RB1: variants seen among roughly 807,000 people sequenced by gnomAD.
RB1 encodes the protein retinoblastoma-associated protein.
In RB1, 18 loss-of-function variants were observed where a neutral mutation model predicts 135.4. The ratio of observed to expected loss-of-function variants is 0.13; its 90% CI spans 0.09 to 0.20. The LOEUF is 0.20. Among genes scored for constraint, RB1 ranks in the 10% least tolerant of loss-of-function variants. The pLI is 1.00. For synonymous variants in RB1, 365 were observed against 373.2 expected, an observed-to-expected ratio of 0.98 and a Z score of 0.25; for missense variants, 868 against 1,110.0, an observed-to-expected ratio of 0.78 and a Z score of 3.10.
At chr13:48,310,527 G>T (rs528037013) in intron 2 of RB1, among the ~76,000 whole-genome samples, 43 of 152,192 alleles carry the variant, frequency 2.8e-4, no homozygotes, top group African/African-American at 1.0e-3. Flanking sequence ...GTTATGTGCA[G>T]ATTAAATAAA....
At position 48,304,494 on chromosome 13, in the gene RB1, T is replaced by C. The variant is rs574740655; in HGVS notation, c.137+445T>C. On this transcript the variant is annotated intron_variant, in intron 1 of 26. Transcript: ENST00000267163. ...GCGATGCAACAGTTGGGAAGTATTT[T>C]CTTCCGGGCGTGCACTGCATCTGAA... 1.9e-4 allele frequency among the ~76,000 whole-genome samples: 29 copies of C among 152,294 alleles called. 1 individual carries two copies. The East Asian group carries it at 5.6e-3, about 29-fold the overall frequency.
chr13:48,383,608 G>A (rs1429252854), intron 17 of RB1, among the ~76,000 whole-genome samples: 1 of 151,818 alleles, frequency 6.6e-6, no homozygotes, highest in African/African-American at 2.4e-5. Context: ...GTGTTTTCTT[G>A]TATTGCCATA....
chr13:48,375,567 T>G (rs1340889529), intron 12 of RB1, among the ~76,000 whole-genome samples: 1 of 150,408 alleles, frequency 6.6e-6, no homozygotes, highest in African/African-American at 2.4e-5. Flanking sequence ...ATTATAATCT[T>G]ATTTTTATTT....
At chr13:48,309,849 G>C (rs1952116528) in intron 2 of RB1, among the ~76,000 whole-genome samples, 1 of 152,082 alleles carries the variant, frequency 6.6e-6, no homozygotes, top group African/African-American at 2.4e-5. Context: ...TTGAGCTTCA[G>C]AATTGAATAC....
At chr13:48,478,697 C>A (rs1375455149) in intron 26 of RB1, among the ~76,000 whole-genome samples, 2 of 152,142 alleles carry the variant, frequency 1.3e-5, no homozygotes, top group African/African-American at 4.8e-5. Flanking sequence ...AGAATTTTAA[C>A]CCCTGAGGCT....
Position 48,480,020 on chromosome 13 carries a change from A to G in RB1, c.2736A>G (p.Gln912=). The change falls in exon 27 of 27, where the codon CAA becomes CAG. Residue 912 remains glutamine, a synonymous_variant. Transcript: ENST00000267163. The stretch of plus-strand genomic sequence containing the variant: ...CAGCTTCTACTCGAACACGAATGCA[A>G]AAGCAGAAAATGAATGATAGCATGG... ...AEMTSTRTRM[Q]KQKMNDSMDT... The G allele has an allele frequency of 6.2e-7, 1 of 1,613,480 alleles. No individual in the cohort carries two copies. The highest frequency in any genetic ancestry group is 1.1e-5 in the South Asian group (1 of 91,052).
intron 9 of RB1, among the ~76,000 whole-genome samples, chr13:48,366,845 G>A (rs1007215789): frequency 5.3e-5 from 8 of 152,108 alleles, no homozygotes; most frequent in African/African-American, 9.7e-5. Context: ...CAGGCTGGGC[G>A]CGGTGGCTCA....
At chr13:48,349,699 A>T (rs1952530158) in intron 6 of RB1, among the ~76,000 whole-genome samples, 1 of 152,096 alleles carries the variant, frequency 6.6e-6, no homozygotes, top group South Asian at 2.1e-4. Context: ...TACCAATAAT[A>T]ACGTTGAACA....
At chr13:48,371,961 C>G (rs4151516) in intron 11 of RB1, among the ~76,000 whole-genome samples, 4,643 of 152,104 alleles carry the variant, frequency 0.031, 229 homozygotes, top group African/African-American at 0.1. Flanking sequence ...TTGTGAACTG[C>G]GCATGTGAGG....
chr13:48,319,172 C>G lies in RB1; in HGVS notation c.264+11766C>G. ...GTGGGGAATGGTCAGCGTCTAGGCA[C>G]CCCGGGCAAGGGTCTGTGGCCTTGG... On this transcript the variant is annotated intron_variant, in intron 2 of 26. Transcript: ENST00000267163. This position sits in a 1 kb window ranked among gnomAD's most constrained non-coding sequence, Gnocchi z 5.0. The G allele has an allele frequency of 1.6e-6, 1 of 620,700 alleles. No individual in the cohort carries two copies. 38.4% of individuals were successfully genotyped at this position (620,700 alleles called of 1,614,324 possible). A position where few individuals can be genotyped will look rare whatever the true frequency, so the allele number is the denominator to read the frequency against.
chr13:48,405,798 T>G (rs1238213736), intron 17 of RB1, among the ~76,000 whole-genome samples: 1 of 152,210 alleles, frequency 6.6e-6, no homozygotes, highest in Non-Finnish European at 1.5e-5. Flanking sequence ...CCACCCTTGT[T>G]TTTTGGTTTA....
At chr13:48,323,838 A>G (rs1273731319) in intron 2 of RB1, among the ~76,000 whole-genome samples, 1 of 152,102 alleles carries the variant, frequency 6.6e-6, no homozygotes, top group African/African-American at 2.4e-5. Flanking sequence ...CCTTATAGAT[A>G]CTATGAATCT....
Position 48,362,842 on chromosome 13 carries a change from C to T in RB1, c.746C>T (p.Ser249Leu), listed in dbSNP as rs2138112229. The T allele has an allele frequency of 6.2e-7, 1 of 1,613,712 alleles. No individual in the cohort carries two copies. The change falls in exon 8 of 27, where the codon TCA (serine) becomes TTA (leucine). Residue 249 changes from serine (S) to leucine (L), a missense_variant. Coordinates refer to ENST00000267163, the MANE Select transcript of RB1 (RefSeq NM_000321.3). ...YKTAVIPINGSPRTPRRGQNR... is the reference protein window; with the variant it reads ...YKTAVIPINGLPRTPRRGQNR... Reference sequence around the variant, plus strand: ...ACAGCTGTTATACCCATTAATGGTTCACCTCGAACACCCAGGCGAGGTCAG... The same window carrying T: ...ACAGCTGTTATACCCATTAATGGTTTACCTCGAACACCCAGGCGAGGTCAG...
intron 17 of RB1, among the ~76,000 whole-genome samples, chr13:48,386,096 C>T (rs1278335194): frequency 2.7e-5 from 4 of 150,112 alleles, no homozygotes; most frequent in Non-Finnish European, 5.9e-5. Flanking sequence ...TCCTGTGGTC[C>T]TAGGTACTTG....
At chr13:48,475,549 C>T (rs1170899303) in intron 24 of RB1, among the ~76,000 whole-genome samples, 2 of 152,248 alleles carry the variant, frequency 1.3e-5, no homozygotes, top group East Asian at 3.9e-4. Context: ...CTGAGGGAGG[C>T]AGGGAAATAA....
intron 17 of RB1, among the ~76,000 whole-genome samples, chr13:48,407,557 T>C (rs917037998): frequency 6.6e-6 from 1 of 152,136 alleles, no homozygotes; most frequent in African/African-American, 2.4e-5. Context: ...GAATTAGAGA[T>C]TTTAGGAGTT....
intron 17 of RB1, among the ~76,000 whole-genome samples, chr13:48,394,394 C>T (rs369132190): frequency 2.0e-4 from 30 of 152,228 alleles, no homozygotes; most frequent in South Asian, 6.2e-4. Context: ...GGAATGACAG[C>T]GAGTTAGAAC....
rs1952220464 is a variant in RB1, at chr13:48,319,999, C to T, written c.264+12593C>T. 1 of 430,292 alleles carries T rather than the reference C, an allele frequency of 2.3e-6. No homozygotes were observed. The highest frequency in any genetic ancestry group is 2.1e-5 in the African/African-American group (1 of 48,546). The allele number at this position is 430,292 out of a possible 1,614,324, so 26.7% of individuals were successfully genotyped here. On this transcript the variant is annotated intron_variant, in intron 2 of 26. Transcript: ENST00000267163. The surrounding 1 kb of genome is among the most constrained non-coding windows in gnomAD (Gnocchi z 5.0). ...TACATCTACTGCCACTGCCTGCAGC[C>T]CTGGAAGGCTGGGCTGCGCCTGGCT...
Position 48,373,511 on chromosome 13 carries a change from A to G in RB1, c.1215+19A>G. On this transcript the variant is annotated intron_variant, in intron 12 of 26. Transcript: ENST00000267163. ...TTTTAACGTAAGCCATATATGAAAC[A>G]TTATTTATTGTAATATCTTGGCAAA... 6.9e-7 allele frequency: 1 copy of G among 1,449,708 alleles called. No individual in the cohort carries two copies. Among genetic ancestry groups the G allele is most frequent in the South Asian group, 1.1e-5 (1 of 87,184 alleles). The allele number at this position is 1,449,708 out of a possible 1,614,324, so 89.8% of individuals were successfully genotyped here. A position where few individuals can be genotyped will look rare whatever the true frequency, so the allele number is the denominator to read the frequency against.
Sources: allele counts gnomAD v4.1 joint callset (sites outside exome capture counted in the v4.1 genomes callset), GRCh38; gene constraint gnomAD v4.1.1; non-coding constraint Gnocchi (gnomAD v3.1); transcripts MANE v1.5; gene names NCBI Gene and HGNC (gene_info 2026-07-23, HGNC 2026-07-21).